Variants in ROR1 observed in about 807,000 individuals in gnomAD.
The protein encoded by ROR1 is ROR family WNT receptor 1, also known as inactive tyrosine-protein kinase transmembrane receptor ROR1.
A neutral mutation model predicts 78.8 loss-of-function variants in ROR1; 19 were observed. The observed-to-expected ratio is 0.24, with a 90% CI of 0.17 to 0.35. The LOEUF (loss-of-function observed/expected upper bound fraction) is 0.35, where lower values mean the gene tolerates loss of function less well. Ranked by LOEUF, ROR1 falls within the 10% of genes least tolerant of loss-of-function variation. ROR1 has a pLI of 1.00. For missense variants in ROR1, 917 were observed against 1,177.8 expected (o/e 0.78, Z 3.24); for synonymous variants, 386 against 433.6 (o/e 0.89, Z 1.36).
At chr1:63,910,319 A>G (rs1164583689) in intron 1 of ROR1, among the ~76,000 whole-genome samples, 1 of 152,170 alleles carries the variant, frequency 6.6e-6, no homozygotes, top group Admixed American at 6.5e-5. Context: ...GACCAAGACA[A>G]TGTCCTTGTT....
chr1:63,894,104 T>C (rs997366200), intron 1 of ROR1, among the ~76,000 whole-genome samples: 15 of 152,230 alleles, frequency 9.9e-5, no homozygotes, highest in African/African-American at 3.6e-4. Flanking sequence ...GTGCGTGATA[T>C]TGTGGCAGTC....
chr1:63,843,243 G>T, intron 1 of ROR1: 1 of 1,508,416 alleles, frequency 6.6e-7, no homozygotes, highest in Non-Finnish European at 9.2e-7. Flanking sequence ...CAGCTTCTCT[G>T]CCAGGGTGCA....
chr1:64,088,112 T>C (rs140365953), intron 4 of ROR1, among the ~76,000 whole-genome samples: 9 of 152,358 alleles, frequency 5.9e-5, no homozygotes, highest in Admixed American at 2.0e-4. Flanking sequence ...ATCTTTTTCC[T>C]GTGGGCACAT....
chr1:63,959,344 C>A (rs564027223), intron 1 of ROR1, among the ~76,000 whole-genome samples: 1 of 152,098 alleles, frequency 6.6e-6, no homozygotes, highest in Non-Finnish European at 1.5e-5. Flanking sequence ...GGGACACAGC[C>A]AAACCATATC....
Position 63,850,903 on chromosome 1 carries a change from G to A in ROR1, c.91+76395G>A, listed in dbSNP as rs898516616. Reference sequence around the variant, plus strand: ...CAGTAGGTTCATTGCACTGGCCAGTGAATTCAGGGACCTTGCTCTCTATAT... The same window carrying A: ...CAGTAGGTTCATTGCACTGGCCAGTAAATTCAGGGACCTTGCTCTCTATAT... On this transcript the variant is annotated intron_variant, in intron 1 of 8. Transcript: ENST00000371079. Among the ~76,000 whole-genome samples the A allele has an allele frequency of 3.9e-5, 6 of 152,302 alleles. No homozygotes were observed. The East Asian group carries it at 5.8e-4, about 15-fold the overall frequency.
intron 1 of ROR1, among the ~76,000 whole-genome samples, chr1:63,866,820 CTGT>C (rs1355047074): frequency 1.3e-5 from 2 of 151,996 alleles, no homozygotes; most frequent in Admixed American, 6.5e-5. Context: ...TGTTTCCTTT[CTGT>C]ACAGAAAGTT....
intron 1 of ROR1, among the ~76,000 whole-genome samples, chr1:63,836,510 G>C (rs1041262926): frequency 7.2e-5 from 11 of 152,098 alleles, no homozygotes; most frequent in African/African-American, 1.2e-4. Flanking sequence ...GGAATTCTGA[G>C]TTGATGAGTA....
At chr1:63,957,555 G>A (rs1242777485) in intron 1 of ROR1, among the ~76,000 whole-genome samples, 1 of 152,062 alleles carries the variant, frequency 6.6e-6, no homozygotes, top group Non-Finnish European at 1.5e-5. Context: ...TGAGGGAGTG[G>A]GAGAGTGGCT....
intron 1 of ROR1, among the ~76,000 whole-genome samples, chr1:63,835,156 A>G (rs141292506): frequency 6.6e-6 from 1 of 152,202 alleles, no homozygotes; most frequent in African/African-American, 2.4e-5. Flanking sequence ...CTGGTTTTAA[A>G]TCTCAGCTCT....
Position 64,146,300 on chromosome 1 carries a change from A to AC in ROR1, c.1174+3654dup, listed in dbSNP as rs1364570465. 3.3e-5 allele frequency among the ~76,000 whole-genome samples: 5 copies of AC among 152,186 alleles called. No homozygotes were observed. In the East Asian group the frequency reaches 9.7e-4, roughly 29 times the overall value. On this transcript the variant is annotated intron_variant, in intron 7 of 8. Coordinates refer to ENST00000371079, the MANE Select transcript of ROR1 (RefSeq NM_005012.4). ...AGACCAGCCTGGCCAACATGGTGAA[A>AC]CCCCGTCTCTACCAAAAATACAAAA... is the stretch of plus-strand genomic sequence containing the variant.
intron 1 of ROR1, among the ~76,000 whole-genome samples, chr1:63,922,495 A>AGGTTTTCAT (rs1645664315): frequency 3.3e-5 from 5 of 152,272 alleles, no homozygotes; most frequent in Admixed American, 3.3e-4. Context: ...GCATGAGTTT[A>AGGTTTTCAT]TGTCGAAGCC....
At chr1:63,808,429 A>T (rs547865744) in intron 1 of ROR1, among the ~76,000 whole-genome samples, 6 of 152,364 alleles carry the variant, frequency 3.9e-5, no homozygotes, top group African/African-American at 1.4e-4. Context: ...TAACATTTAC[A>T]TGAGAGACAA....
In ROR1 at chr1:63,856,694, G is replaced by A. The variant is rs554836692; in HGVS notation, c.91+82186G>A. Among the ~76,000 whole-genome samples, 117 of 152,290 alleles carry A rather than the reference G, an allele frequency of 7.7e-4. 1 individual carries two copies. The highest frequency in any genetic ancestry group is 2.8e-3 in the African/African-American group (115 of 41,546). On this transcript the variant is annotated intron_variant, in intron 1 of 8. Transcript: ENST00000371079. Reference sequence around the variant, plus strand: ...GTAAGCTGGAGGACTCGTAGGATTCGTTTCATTTGCCTTCCTTCTTCCAGG... The same window carrying A: ...GTAAGCTGGAGGACTCGTAGGATTCATTTCATTTGCCTTCCTTCTTCCAGG...
chr1:63,779,658 T>G (rs1644639342), intron 1 of ROR1, among the ~76,000 whole-genome samples: 1 of 152,174 alleles, frequency 6.6e-6, no homozygotes, highest in Non-Finnish European at 1.5e-5. Flanking sequence ...GTAAAAAGGC[T>G]CTCTCTTTGT....
chr1:63,934,454 G>A (rs1385902762), intron 1 of ROR1, among the ~76,000 whole-genome samples: 1 of 152,108 alleles, frequency 6.6e-6, no homozygotes, highest in Admixed American at 6.6e-5. Flanking sequence ...ATAGTACCTG[G>A]CTCCTGTAGT....
chr1:63,954,301 A>G (rs1444767294), intron 1 of ROR1, among the ~76,000 whole-genome samples: 2 of 152,208 alleles, frequency 1.3e-5, no homozygotes, highest in African/African-American at 4.8e-5. Flanking sequence ...AGCTCATTTG[A>G]GGGCACAACC....
intron 1 of ROR1, among the ~76,000 whole-genome samples, chr1:63,816,604 A>G (rs1050478363): frequency 2.6e-5 from 4 of 152,100 alleles, no homozygotes; most frequent in African/African-American, 9.7e-5. Flanking sequence ...ATGGACTAAT[A>G]GAGTGATTTA....
At chr1:64,046,556 C>T (rs554382956) in intron 2 of ROR1, among the ~76,000 whole-genome samples, 32 of 152,288 alleles carry the variant, frequency 2.1e-4, no homozygotes, top group South Asian at 6.2e-4. Context: ...GGTGCCTGGC[C>T]TCTGGAGGGA....
intron 1 of ROR1, among the ~76,000 whole-genome samples, chr1:63,976,242 C>G (rs1221840084): frequency 5.9e-5 from 9 of 152,110 alleles, no homozygotes; most frequent in Admixed American, 5.9e-4. Context: ...AGAAACTTAA[C>G]CACAGAAAAG....
Sources: gnomAD v4.1 joint callset for allele counts (sites outside exome capture counted in the v4.1 genomes callset) on GRCh38, gnomAD v4.1.1 for gene constraint, MANE v1.5 for transcripts, NCBI Gene and HGNC (gene_info 2026-07-23, HGNC 2026-07-21) for gene names.